The following ZNF644 variants were observed in gnomAD, a reference collection of about 807,000 sequenced individuals.
ZNF644 encodes the protein zinc finger protein 644, also known as zinc finger motif enhancer binding protein 2.
In ZNF644, 20 loss-of-function variants were observed where a neutral mutation model predicts 108.0. The observed-to-expected ratio is 0.19, with a 90% CI of 0.13 to 0.27. The LOEUF (loss-of-function observed/expected upper bound fraction) is 0.27. Ranked by LOEUF, ZNF644 falls within the 10% of genes least tolerant of loss-of-function variation. The pLI is 1.00. For missense variants in ZNF644, 1,338 were observed against 1,548.9 expected (o/e 0.86, Z 2.29); for synonymous variants, 542 against 539.1 (o/e 1.01, Z -0.08).
intron 2 of ZNF644, among the ~76,000 whole-genome samples, chr1:90,950,791 C>G (rs1321065946): frequency 2.0e-5 from 3 of 152,170 alleles, no homozygotes; most frequent in Non-Finnish European, 4.4e-5. Flanking sequence ...CCTGAAAGTA[C>G]AGACAGACTT....
At chr1:90,917,028 CTCTT>C (rs1284707002) in intron 5 of ZNF644, 38 bp from the exon 6 acceptor site, 1 of 1,604,078 alleles carries the variant, frequency 6.2e-7, no homozygotes, top group Non-Finnish European at 8.5e-7. Flanking sequence ...ATGACCAATT[CTCTT>C]TCTTTAAAAC....
chr1:90,970,061 A>G (rs1380073139), intron 2 of ZNF644, among the ~76,000 whole-genome samples: 2 of 152,246 alleles, frequency 1.3e-5, no homozygotes, highest in Non-Finnish European at 2.9e-5. Context: ...AGATGTGAGC[A>G]GAATACCAGT....
chr1:90,942,002 T>G (rs1557577549), intron 2 of ZNF644, among the ~76,000 whole-genome samples: 1 of 152,202 alleles, frequency 6.6e-6, no homozygotes, highest in Non-Finnish European at 1.5e-5. Flanking sequence ...TTATTCAAAT[T>G]AACCTTAACT....
At chr1:90,953,132 T>C (rs376537065) in intron 2 of ZNF644, among the ~76,000 whole-genome samples, 4 of 151,872 alleles carry the variant, frequency 2.6e-5, no homozygotes, top group Admixed American at 1.3e-4. Flanking sequence ...AAAACATCCA[T>C]GTCAGACAAG....
intron 1 of ZNF644, among the ~76,000 whole-genome samples, chr1:91,002,420 A>C (rs890393382): frequency 7.2e-5 from 11 of 152,252 alleles, no homozygotes; most frequent in South Asian, 6.2e-4. Flanking sequence ...GAAAAACAAG[A>C]AATGGGGAAA....
chr1:90,924,696 C>T (rs990803498), intron 4 of ZNF644, among the ~76,000 whole-genome samples: 3 of 152,072 alleles, frequency 2.0e-5, no homozygotes, highest in Non-Finnish European at 2.9e-5. Flanking sequence ...GAGCCTTACA[C>T]GTGTAATTCC....
intron 2 of ZNF644, among the ~76,000 whole-genome samples, chr1:90,961,690 G>A (rs114360488): frequency 3.0e-4 from 46 of 152,130 alleles, no homozygotes; most frequent in African/African-American, 1.1e-3. Flanking sequence ...TCAAAATGCT[G>A]TTATTTATGT....
chr1:90,990,027 C>CA (rs1164382949), intron 1 of ZNF644, among the ~76,000 whole-genome samples: 2 of 152,126 alleles, frequency 1.3e-5, no homozygotes, highest in African/African-American at 4.8e-5. Flanking sequence ...GGATGAACCT[C>CA]AATCACCTCA....
intron 4 of ZNF644, among the ~76,000 whole-genome samples, chr1:90,924,222 C>T (rs962548875): frequency 6.6e-6 from 1 of 152,074 alleles, no homozygotes; most frequent in Non-Finnish European, 1.5e-5. Context: ...GGATAGCAAA[C>T]GTATTACTTC....
intron 2 of ZNF644, among the ~76,000 whole-genome samples, chr1:90,955,789 C>T (rs1653695077): frequency 1.3e-5 from 2 of 152,184 alleles, no homozygotes; most frequent in Admixed American, 6.5e-5. Context: ...GTTTTGATTA[C>T]CTACTATTTG....
intron 1 of ZNF644, among the ~76,000 whole-genome samples, chr1:90,996,123 A>C (rs1658122133): frequency 6.6e-6 from 1 of 152,220 alleles, no homozygotes; most frequent in South Asian, 2.1e-4. Context: ...GAATCAGGGA[A>C]ATGCAAAATA....
chr1:90,958,308 A>G (rs1321927531), intron 2 of ZNF644, among the ~76,000 whole-genome samples: 1 of 151,762 alleles, frequency 6.6e-6, no homozygotes, highest in Non-Finnish European at 1.5e-5. Context: ...AAACTACAAA[A>G]CATTGCTAGA....
chr1:90,924,574 T>G (rs1649806489), intron 4 of ZNF644, among the ~76,000 whole-genome samples: 1 of 152,152 alleles, frequency 6.6e-6, no homozygotes, highest in African/African-American at 2.4e-5. Context: ...TTATTTTCAA[T>G]ACAATCATAT....
At chr1:90,980,953 T>C (rs188348095) in intron 2 of ZNF644, among the ~76,000 whole-genome samples, 3 of 152,254 alleles carry the variant, frequency 2.0e-5, no homozygotes, top group Non-Finnish European at 4.4e-5. Context: ...TTACCATATA[T>C]ATGTAAACTA....
chr1:90,981,542 G>C (rs1656553892), intron 2 of ZNF644, among the ~76,000 whole-genome samples: 1 of 151,952 alleles, frequency 6.6e-6, no homozygotes, highest in South Asian at 2.1e-4. Flanking sequence ...TGGTTAGAGG[G>C]AAAACCAAGT....
chr1:90,964,192 TTTTCC>T (rs1415818964), intron 2 of ZNF644, among the ~76,000 whole-genome samples: 1 of 152,136 alleles, frequency 6.6e-6, no homozygotes, highest in African/African-American at 2.4e-5. Flanking sequence ...AATTTTTCTG[TTTTCC>T]TTTAAGTTTT....
intron 1 of ZNF644, among the ~76,000 whole-genome samples, chr1:90,990,220 T>C (rs1657507297): frequency 6.6e-6 from 1 of 152,206 alleles, no homozygotes; most frequent in Admixed American, 6.5e-5. Context: ...GAAAAAGTTC[T>C]AGAGACCTGT....
chr1:90,955,556 T>C (rs1653673446), intron 2 of ZNF644, among the ~76,000 whole-genome samples: 1 of 152,252 alleles, frequency 6.6e-6, no homozygotes, highest in Non-Finnish European at 1.5e-5. Context: ...TGCATCACTT[T>C]GAGCTTTTAT....
chr1:90,936,901 T>C (rs554795648), intron 4 of ZNF644, among the ~76,000 whole-genome samples: 6 of 152,212 alleles, frequency 3.9e-5, no homozygotes, highest in Non-Finnish European at 8.8e-5. Context: ...AAATATGTTT[T>C]ATGTTCACAA....
Sources: gnomAD v4.1 joint callset for allele counts (sites outside exome capture counted in the v4.1 genomes callset) on GRCh38, gnomAD v4.1.1 for gene constraint, MANE v1.5 for transcripts, NCBI Gene and HGNC (gene_info 2026-07-23, HGNC 2026-07-21) for gene names.